SLC12A7: variants seen among roughly 807,000 people sequenced by gnomAD.
SLC12A7 encodes K-Cl cotransporter 4.
In SLC12A7, 100 loss-of-function variants were observed where a neutral mutation model predicts 120.6. That is an observed-to-expected ratio of 0.83 (90% confidence interval 0.71 to 0.98). The LOEUF is 0.98. SLC12A7 is among the 50% of genes least tolerant of loss of function. The pLI is 0.00. For synonymous variants in SLC12A7, 760 were observed against 678.0 expected, an observed-to-expected ratio of 1.12 and a Z score of -1.88; for missense variants, 1,373 against 1,548.1, an observed-to-expected ratio of 0.89 and a Z score of 1.90.
At chr5:1,061,865 G>A (rs1736327867) in intron 20 of SLC12A7, among the ~76,000 whole-genome samples, 1 of 152,186 alleles carries the variant, frequency 6.6e-6, no homozygotes, top group Non-Finnish European at 1.5e-5. Flanking sequence ...AGGAGGCTGA[G>A]GCAGGAGAAT....
At chr5:1,105,660 T>C (rs542301126) in intron 1 of SLC12A7, among the ~76,000 whole-genome samples, 20 of 152,160 alleles carry the variant, frequency 1.3e-4, no homozygotes, top group African/African-American at 4.6e-4. Context: ...CAAAAGGGAG[T>C]TTCCCCTTTC....
At chr5:1,134,481 A>AT in the SLC12A7 span, among the ~76,000 whole-genome samples, 13 of 151,840 alleles carry the variant, frequency 8.6e-5, no homozygotes, top group African/African-American at 2.9e-4. Flanking sequence ...AAAAAAAAAA[A>AT]TTTGAACACC....
intron 1 of SLC12A7, 46 bp downstream of exon 1, chr5:1,111,822 G>C: frequency 1.7e-6 from 2 of 1,194,512 alleles, no homozygotes; most frequent in Non-Finnish European, 2.1e-6. Flanking sequence ...CCAGACCCGC[G>C]CTCGGGGCGC....
chr5:1,056,444 C>T (rs952949689), intron 22 of SLC12A7: 5 of 244,210 alleles, frequency 2.0e-5, no homozygotes, highest in East Asian at 1.8e-4. Flanking sequence ...TCTGGCTGTA[C>T]GCGGACGCAC....
At chr5:1,105,884 G>A (rs1742492965) in intron 1 of SLC12A7, among the ~76,000 whole-genome samples, 1 of 152,154 alleles carries the variant, frequency 6.6e-6, no homozygotes, top group Admixed American at 6.5e-5. Flanking sequence ...TCCACGCCCA[G>A]CCCCACTGGG....
intron 17 of SLC12A7, among the ~76,000 whole-genome samples, chr5:1,069,394 G>A (rs1737398214): frequency 6.6e-6 from 1 of 152,228 alleles, no homozygotes; most frequent in African/African-American, 2.4e-5. Context: ...GCAGAGAAAC[G>A]GACCGGGGAG....
chr5:1,153,796 A>G, the SLC12A7 span, among the ~76,000 whole-genome samples: 25 of 152,192 alleles, frequency 1.6e-4, no homozygotes, highest in Admixed American at 5.9e-4. Context: ...CACCCTGGTG[A>G]GCAGGCTGAC....
chr5:1,133,863 A>C, the SLC12A7 span, among the ~76,000 whole-genome samples: 1 of 152,130 alleles, frequency 6.6e-6, no homozygotes, highest in Non-Finnish European at 1.5e-5. Context: ...CCGAGGCAGC[A>C]ACACCAGAGA....
chr5:1,127,162 A>G, the SLC12A7 span, among the ~76,000 whole-genome samples: 1 of 152,160 alleles, frequency 6.6e-6, no homozygotes, highest in Non-Finnish European at 1.5e-5. Context: ...CTACAGGCAC[A>G]CGCCACCACG....
rs962251869 is a variant in SLC12A7, at chr5:1,050,893, C to T, written c.*1467G>A. On this transcript the variant is annotated 3_prime_UTR_variant, in exon 24 of 24. Transcript: ENST00000264930. ...AAACATCTGGGGGCACAAGTGCAGCCTCTGCCCCGATTTGAACTTTGTTGA... is the reference window on the plus strand; with the variant it reads ...AAACATCTGGGGGCACAAGTGCAGCTTCTGCCCCGATTTGAACTTTGTTGA... 2 of 398,542 alleles carry T rather than the reference C, an allele frequency of 5.0e-6. No individual in the cohort carries two copies. The highest frequency in any genetic ancestry group is 2.1e-5 in the African/African-American group (1 of 48,634). 24.7% of individuals were successfully genotyped at this position (398,542 alleles called of 1,614,324 possible).
chr5:1,092,404 C>G (rs1294283409), intron 3 of SLC12A7, among the ~76,000 whole-genome samples: 1 of 152,182 alleles, frequency 6.6e-6, no homozygotes, highest in Non-Finnish European at 1.5e-5. Flanking sequence ...AGCAGGGGGG[C>G]CCACCCTCCC....
At chr5:1,101,068 T>C (rs929269961) in intron 1 of SLC12A7, among the ~76,000 whole-genome samples, 3 of 152,088 alleles carry the variant, frequency 2.0e-5, no homozygotes, top group Non-Finnish European at 2.9e-5. Context: ...TTCCCAGCTC[T>C]GGGAACAGCC....
the SLC12A7 span, among the ~76,000 whole-genome samples, chr5:1,124,555 A>G: frequency 6.6e-6 from 1 of 152,222 alleles, no homozygotes; most frequent in Non-Finnish European, 1.5e-5. Flanking sequence ...ATGGTTCCTG[A>G]TGGAAACACC....
At chr5:1,099,985 TC>T (rs1172304722) in intron 1 of SLC12A7, among the ~76,000 whole-genome samples, 1 of 152,030 alleles carries the variant, frequency 6.6e-6, no homozygotes, top group Non-Finnish European at 1.5e-5. Context: ...AAAAAGCGAC[TC>T]ATAAGGCTTT....
At chr5:1,112,357 T>TC (rs1743101543), upstream of SLC12A7, among the ~76,000 whole-genome samples, 1 of 14,732 alleles carries the variant, frequency 6.8e-5, no homozygotes, top group Non-Finnish European at 1.4e-4. Flanking sequence ...CCCGGCCCCC[T>TC]CCCCGCCTCC....
chr5:1,081,664 TCTC>T lies in SLC12A7; in HGVS notation c.1207_1209del (p.Glu403del), dbSNP rs776062024. Reference sequence around the variant, plus strand: ...ACGTAGGGCAGTGCGCTGGCACGGCTCTCCTCTGCCACGGGCACCGAGGGCACA... The same window carrying T: ...ACGTAGGGCAGTGCGCTGGCACGGCTCTCTGCCACGGGCACCGAGGGCACA... On this transcript the variant is annotated inframe_deletion, in exon 9 of 24. Coordinates refer to ENST00000264930, the MANE Select transcript of SLC12A7 (RefSeq NM_006598.3). The T allele has an allele frequency of 6.8e-6, 11 of 1,612,966 alleles. No homozygotes were observed. The highest frequency in any genetic ancestry group is 5.0e-5 in the Admixed American group (3 of 60,006).
intron 14 of SLC12A7, 24 bp downstream of exon 14, chr5:1,076,114 C>G (rs1461352210): frequency 6.3e-6 from 10 of 1,586,914 alleles, no homozygotes; most frequent in Middle Eastern, 3.3e-4. Flanking sequence ...TGGGGCTCCT[C>G]ACGCCCGTGC....
chr5:1,127,404 G>C, the SLC12A7 span, among the ~76,000 whole-genome samples: 2 of 152,230 alleles, frequency 1.3e-5, no homozygotes, highest in South Asian at 4.1e-4. Context: ...GAGGCGATGG[G>C]GCCACAGACC....
At chr5:1,057,831 C>T (rs979508570) in intron 21 of SLC12A7, among the ~76,000 whole-genome samples, 182 bp from the exon 22 acceptor site, 3 of 152,188 alleles carry the variant, frequency 2.0e-5, no homozygotes, top group Non-Finnish European at 4.4e-5. Context: ...CTGCCTCCCT[C>T]CTCCCAGGCT....
Sources: allele counts gnomAD v4.1 joint callset (sites outside exome capture counted in the v4.1 genomes callset), GRCh38; gene constraint gnomAD v4.1.1; transcripts MANE v1.5; gene names NCBI Gene and HGNC (gene_info 2026-07-23, HGNC 2026-07-21).